Variants in GASK1B observed in about 807,000 individuals in gnomAD.
The protein encoded by GASK1B is Golgi-associated kinase 1B.
A neutral mutation model predicts 42.8 loss-of-function variants in GASK1B; 34 were observed. The ratio of observed to expected loss-of-function variants is 0.79; its 90% confidence interval spans 0.60 to 1.06. The LOEUF is 1.06. Among genes scored for constraint, GASK1B ranks in the 50% least tolerant of loss-of-function variants. The pLI is 0.00. For missense variants in GASK1B, 686 were observed against 661.0 expected (o/e 1.04, Z -0.42); for synonymous variants, 262 against 259.1 (o/e 1.01, Z -0.11).
At chr4:158,152,272 T>C (rs1486140453) in intron 3 of GASK1B, among the ~76,000 whole-genome samples, 2 of 152,182 alleles carry the variant, frequency 1.3e-5, no homozygotes, top group African/African-American at 4.8e-5. Flanking sequence ...TGTGAGTCAA[T>C]ACTCCTTAAT....
chr4:158,160,641 G>A (rs1372681995), intron 2 of GASK1B, among the ~76,000 whole-genome samples: 2 of 152,120 alleles, frequency 1.3e-5, no homozygotes, highest in African/African-American at 4.8e-5. Context: ...CCGAAGAGAT[G>A]TCTGCACTCC....
At chr4:158,166,279 A>G (rs1732227117) in intron 2 of GASK1B, among the ~76,000 whole-genome samples, 1 of 152,180 alleles carries the variant, frequency 6.6e-6, no homozygotes, top group Non-Finnish European at 1.5e-5. Context: ...ATCATCTAGA[A>G]CTCATCAAGT....
intron 2 of GASK1B, among the ~76,000 whole-genome samples, chr4:158,165,979 A>G (rs1732216617): frequency 6.6e-6 from 1 of 152,224 alleles, no homozygotes; most frequent in Non-Finnish European, 1.5e-5. Context: ...AAAATACTTC[A>G]TTATTGCACA....
chr4:158,140,473 A>G (rs1731071190), intron 3 of GASK1B, among the ~76,000 whole-genome samples: 1 of 152,220 alleles, frequency 6.6e-6, no homozygotes, highest in Non-Finnish European at 1.5e-5. Context: ...TAAAAAATAC[A>G]TACAAAAACC....
chr4:158,129,737 A>G (rs980259491), intron 4 of GASK1B, among the ~76,000 whole-genome samples: 3 of 152,142 alleles, frequency 2.0e-5, no homozygotes, highest in African/African-American at 7.2e-5. Context: ...GGTTTCCAGC[A>G]GTCACCTAGC....
chr4:158,170,800 G>GC lies in GASK1B; in HGVS notation c.575dup (p.Asp194ArgfsTer13). Reference sequence around the variant, plus strand: ...TGGAGCTGGGCTGCAGGAAGTCTGGGCCCCCGGCTCGCACTCCCGGACCCC... The same window carrying GC: ...TGGAGCTGGGCTGCAGGAAGTCTGGGCCCCCCGGCTCGCACTCCCGGACCCC... On this transcript the variant is annotated frameshift_variant, in exon 2 of 5. Transcript: ENST00000585682. LOFTEE classifies it high-confidence loss of function. 6.2e-7 allele frequency: 1 copy of GC among 1,614,150 alleles called. No individual in the cohort carries two copies.
intron 3 of GASK1B, among the ~76,000 whole-genome samples, chr4:158,133,606 C>A (rs1022867230): frequency 1.3e-5 from 2 of 152,156 alleles, no homozygotes; most frequent in African/African-American, 4.8e-5. Context: ...TTAAACTACA[C>A]AAAAGCATTA....
In GASK1B at chr4:158,170,791, G is replaced by T. The variant is rs1732472143; in HGVS notation, c.585C>A (p.Phe195Leu). Reference sequence around the variant, plus strand: ...TGCTCTCCCTGGAGCTGGGCTGCAGGAAGTCTGGGCCCCCGGCTCGCACTC... The same window carrying T: ...TGCTCTCCCTGGAGCTGGGCTGCAGTAAGTCTGGGCCCCCGGCTCGCACTC... ...GPGVRAGGPD[F>L]LQPSSRESNI... The change falls in exon 2 of 5, where the codon TTC becomes TTA. Residue 195 changes from phenylalanine (F) to leucine (L), a missense_variant. Phe to Leu is a conservative substitution (Grantham distance 22, BLOSUM62 0). Coordinates refer to ENST00000585682, the MANE Select transcript of GASK1B (RefSeq NM_001128424.2). 2 of 1,614,222 alleles carry T rather than the reference G, an allele frequency of 1.2e-6. No individual in the cohort carries two copies. The highest frequency in any genetic ancestry group is 1.7e-5 in the Admixed American group (1 of 60,032).
rs552601391 is a variant in GASK1B at position 158,138,447 on chromosome 4, A to T, written c.1126-7435T>A. ...TTTAACATGGAAATGAAATAACCTT[A>T]CTGTAATAAAATTTTTAAATGCTTT... On this transcript the variant is annotated intron_variant, in intron 3 of 4. Transcript: ENST00000585682. 1.4e-4 allele frequency among the ~76,000 whole-genome samples: 22 copies of T among 152,316 alleles called. No homozygotes were observed. In the South Asian group the frequency reaches 4.6e-3, roughly 32 times the overall value.
chr4:158,155,692 T>A lies in GASK1B; in HGVS notation c.1044A>T (p.Arg348=), dbSNP rs1184952932. Residue 348 remains arginine (R), a synonymous_variant, in exon 3 of 5, where the codon CGA becomes CGT. Transcript: ENST00000585682. ...LLKQKCWQNG[R]VPKPESGCTE... ...TACAACCCGATTCAGGCTTGGGTAC[T>A]CGGCCATTCTGCCAGCATTTCTGTT... 1.9e-6 allele frequency: 3 copies of A among 1,613,952 alleles called. No homozygotes were observed.
At chr4:158,164,814 G>C (rs909406754) in intron 2 of GASK1B, among the ~76,000 whole-genome samples, 3 of 152,164 alleles carry the variant, frequency 2.0e-5, no homozygotes, top group African/African-American at 7.2e-5. Context: ...ACATCCCCCT[G>C]CCTCGGCAAC....
chr4:158,169,318 AC>A (rs1732358689), intron 2 of GASK1B: 2 of 152,248 alleles, frequency 1.3e-5, no homozygotes, highest in African/African-American at 4.8e-5. Flanking sequence ...ATCAAAGCAT[AC>A]CTGTGAATCT....
chr4:158,170,685 C>A lies in GASK1B; in HGVS notation c.691G>T (p.Ala231Ser). 1.9e-6 allele frequency: 3 copies of A among 1,614,172 alleles called. No homozygotes were observed. Among genetic ancestry groups the A allele is most frequent in the Non-Finnish European group, 2.5e-6 (3 of 1,180,054 alleles). The part of the protein sequence containing the change: ...IRRMRLLADS[A>S]VAGLRPVSSR... ...GACACAGGCCGGAGCCCTGCCACTG[C>A]GCTGTCCGCCAAGAGTCGCATTCTT... Residue 231 changes from alanine (A) to serine (S), a missense_variant, in exon 2 of 5, where the codon GCA becomes TCA. Coordinates refer to ENST00000585682, the MANE Select transcript of GASK1B (RefSeq NM_001128424.2).
At chr4:158,148,582 C>A (rs1460933535) in intron 3 of GASK1B, among the ~76,000 whole-genome samples, 1 of 152,196 alleles carries the variant, frequency 6.6e-6, no homozygotes, top group African/African-American at 2.4e-5. Flanking sequence ...AGATTAACTT[C>A]TGATTTTAGC....
chr4:158,133,407 T>C (rs1730760143), intron 3 of GASK1B, among the ~76,000 whole-genome samples: 1 of 152,228 alleles, frequency 6.6e-6, no homozygotes, highest in African/African-American at 2.4e-5. Flanking sequence ...ATTTCTTAAA[T>C]GCTTCTTCAA....
At chr4:158,131,149 G>A (rs1730669207) in intron 3 of GASK1B, 137 bp from the exon 4 acceptor site, 1 of 680,284 alleles carries the variant, frequency 1.5e-6, no homozygotes. Flanking sequence ...TTAATTAAAG[G>A]CAACTGTCAG....
chr4:158,166,854 C>A (rs1458644269), intron 2 of GASK1B, among the ~76,000 whole-genome samples: 1 of 151,914 alleles, frequency 6.6e-6, no homozygotes, highest in Non-Finnish European at 1.5e-5. Flanking sequence ...AGACGATGTA[C>A]CTTAGGGCCC....
At position 158,160,332 on chromosome 4, in the gene GASK1B, G is replaced by A. The variant is rs369876647; in HGVS notation, c.911-4507C>T. 1.7e-4 allele frequency among the ~76,000 whole-genome samples: 26 copies of A among 152,240 alleles called. No individual in the cohort carries two copies. The South Asian group carries it at 5.4e-3, about 32-fold the overall frequency. ...GGAGTCTGTAGATTACATAGGCATAGATTTTATATGGCCAAACAAGTCCTG... is the reference window on the plus strand; with the variant it reads ...GGAGTCTGTAGATTACATAGGCATAAATTTTATATGGCCAAACAAGTCCTG... On this transcript the variant is annotated intron_variant, in intron 2 of 4. Coordinates refer to ENST00000585682, the MANE Select transcript of GASK1B (RefSeq NM_001128424.2).
chr4:158,171,000 T>G lies in GASK1B; in HGVS notation c.376A>C (p.Lys126Gln). Residue 126 changes from lysine to glutamine, a missense_variant, in exon 2 of 5, where the codon AAG (lysine) becomes CAG (glutamine). Transcript: ENST00000585682. ...SKPANIRGTV[K>Q]PKRRKKHAVA... The stretch of plus-strand genomic sequence containing the variant: ...GCATGCTTTTTCCTGCGCTTGGGCT[T>G]CACGGTGCCACGGATATTGGCCGGC... 6.2e-7 allele frequency: 1 copy of G among 1,614,196 alleles called. No individual in the cohort carries two copies. Among genetic ancestry groups the G allele is most frequent in the African/African-American group, 1.3e-5 (1 of 75,068 alleles).
Sources: gnomAD v4.1 joint callset for allele counts (sites outside exome capture counted in the v4.1 genomes callset) on GRCh38, gnomAD v4.1.1 for gene constraint, MANE v1.5 for transcripts, NCBI Gene and HGNC (gene_info 2026-07-23, HGNC 2026-07-21) for gene names.